The following RGS6 variants were observed in gnomAD, a reference collection of about 807,000 sequenced individuals.
RGS6 encodes regulator of G protein signaling 6, also known as regulator of G-protein signaling 6.
A neutral mutation model predicts 78.5 loss-of-function variants in RGS6; 30 were observed. That is an observed-to-expected ratio of 0.38 (90% CI 0.29 to 0.52). The LOEUF is 0.52. RGS6 is among the 20% of genes least tolerant of loss of function. The pLI is 0.85. For synonymous variants in RGS6, 206 were observed against 206.0 expected (o/e 1.00, Z 0.00); for missense variants, 495 against 609.7 (o/e 0.81, Z 1.98).
intron 2 of RGS6, among the ~76,000 whole-genome samples, chr14:72,270,383 A>G (rs2059760654): frequency 6.6e-6 from 1 of 152,360 alleles, no homozygotes; most frequent in South Asian, 2.1e-4. Flanking sequence ...GCATAATCCC[A>G]GGAACTGCCA....
chr14:71,939,173 G>A (rs2079813), intron 1 of RGS6, among the ~76,000 whole-genome samples: 15,819 of 152,126 alleles, frequency 0.1, 918 homozygotes, highest in Middle Eastern at 0.15. Flanking sequence ...ATCCAAATAG[G>A]CCCACTAAGT....
the RGS6 span, among the ~76,000 whole-genome samples, chr14:71,900,922 G>A: frequency 6.6e-6 from 1 of 152,098 alleles, no homozygotes; most frequent in African/African-American, 2.4e-5. Flanking sequence ...GCAAGCAAGA[G>A]AGGAAAGGAG....
At chr14:72,059,491 C>A (rs1427619174) in intron 2 of RGS6, among the ~76,000 whole-genome samples, 2 of 152,188 alleles carry the variant, frequency 1.3e-5, no homozygotes, top group South Asian at 4.1e-4. Flanking sequence ...GCACTTCAAA[C>A]AGGTACCATA....
In RGS6 at chr14:71,964,772, T is replaced by C. The variant is rs878955558; in HGVS notation, c.-20T>C. 4 of 1,589,026 alleles carry C rather than the reference T, an allele frequency of 2.5e-6. No individual in the cohort carries two copies. The Admixed American group carries it at 5.2e-5, about 21-fold the overall frequency. ...ATGGTTTATTCATTTATTTTTGCAG[T>C]GTGAGTGAAGACACTCAGGATGGCT... On this transcript the variant is annotated splice_region_variant and 5_prime_UTR_variant, in exon 2 of 18. Coordinates refer to ENST00000553525, the MANE Select transcript of RGS6 (RefSeq NM_001204424.2).
the RGS6 span, among the ~76,000 whole-genome samples, chr14:71,878,011 C>T: frequency 6.6e-6 from 1 of 152,170 alleles, no homozygotes; most frequent in Admixed American, 6.5e-5. Context: ...TATTGCAGAA[C>T]AGCAAATGTT....
intron 3 of RGS6, among the ~76,000 whole-genome samples, chr14:72,419,063 T>A (rs1470571112): frequency 6.6e-6 from 1 of 152,166 alleles, no homozygotes; most frequent in Non-Finnish European, 1.5e-5. Flanking sequence ...CCTTCTACAG[T>A]GGATGCCAGT....
chr14:71,962,115 T>G (rs972017637), intron 1 of RGS6, among the ~76,000 whole-genome samples: 3 of 152,222 alleles, frequency 2.0e-5, no homozygotes, highest in African/African-American at 7.2e-5. Flanking sequence ...TTGTCTGAGT[T>G]TCAAAACGAG....
chr14:72,486,964 G>A (rs942630064), intron 12 of RGS6, among the ~76,000 whole-genome samples: 5 of 151,958 alleles, frequency 3.3e-5, no homozygotes, highest in African/African-American at 7.3e-5. Flanking sequence ...TCAGTCTTTG[G>A]CTACCCCAGC....
intron 2 of RGS6, among the ~76,000 whole-genome samples, chr14:72,122,869 A>G (rs2096088147): frequency 6.6e-6 from 1 of 152,182 alleles, no homozygotes; most frequent in Non-Finnish European, 1.5e-5. Context: ...TATATCACTA[A>G]TTAACTGTGT....
intron 2 of RGS6, among the ~76,000 whole-genome samples, chr14:72,055,876 G>C (rs769247751): frequency 1.3e-5 from 2 of 152,116 alleles, no homozygotes; most frequent in Non-Finnish European, 2.9e-5. Context: ...TTTGGTTTTT[G>C]TTTTGGTGTT....
chr14:72,575,632 G>A, the RGS6 span, among the ~76,000 whole-genome samples: 3 of 152,076 alleles, frequency 2.0e-5, no homozygotes, highest in Non-Finnish European at 2.9e-5. Flanking sequence ...CGCAAATAAC[G>A]TATTATATAT....
intron 2 of RGS6, among the ~76,000 whole-genome samples, chr14:72,080,348 G>C (rs1215343116): frequency 6.6e-6 from 1 of 151,578 alleles, no homozygotes; most frequent in Non-Finnish European, 1.5e-5. Context: ...TGTCTATTGA[G>C]GTCCTTTGCC....
downstream of RGS6, among the ~76,000 whole-genome samples, chr14:72,568,106 G>A (rs772776614): frequency 5.9e-5 from 9 of 152,208 alleles, no homozygotes; most frequent in East Asian, 3.9e-4. Flanking sequence ...GTGTGGGCTC[G>A]GTTCTCCTCC....
intron 2 of RGS6, among the ~76,000 whole-genome samples, chr14:72,211,578 T>C (rs2044166965): frequency 6.6e-6 from 1 of 152,168 alleles, no homozygotes; most frequent in Admixed American, 6.5e-5. Flanking sequence ...TCAAAGCTTA[T>C]TGGAAGGATT....
intron 17 of RGS6, among the ~76,000 whole-genome samples, chr14:72,561,412 G>A (rs2097674755): frequency 6.6e-6 from 1 of 152,184 alleles, no homozygotes; most frequent in Non-Finnish European, 1.5e-5. Context: ...TGATCAATCT[G>A]CCTGGGTCTA....
chr14:72,548,327 T>TTGTGTGTGTGTGTGTGCGCGCGTG (rs369612105), intron 17 of RGS6, among the ~76,000 whole-genome samples: 1 of 147,158 alleles, frequency 6.8e-6, no homozygotes, highest in Non-Finnish European at 1.5e-5. Flanking sequence ...CAGATCATAT[T>TTGTGTGTGTGTGTGTGCGCGCGTG]TGTGTGTGTG....
intron 2 of RGS6, among the ~76,000 whole-genome samples, chr14:72,306,737 T>G (rs2067329434): frequency 6.6e-6 from 1 of 152,172 alleles, no homozygotes; most frequent in South Asian, 2.1e-4. Flanking sequence ...CATGATAAAA[T>G]TTAAACAAAT....
chr14:72,338,329 T>A (rs2076405231), intron 2 of RGS6, among the ~76,000 whole-genome samples: 1 of 152,100 alleles, frequency 6.6e-6, no homozygotes, highest in South Asian at 2.1e-4. Flanking sequence ...ACATCTTACA[T>A]GGTGGCAGGC....
rs1566600799 is a variant in RGS6, at chr14:72,352,132, CA to C, written c.123del (p.Gly43ValfsTer28). 1.9e-6 allele frequency: 3 copies of C among 1,613,428 alleles called. No individual in the cohort carries two copies. Among genetic ancestry groups the C allele is most frequent in the Admixed American group, 1.7e-5 (1 of 59,912 alleles). On this transcript the variant is annotated frameshift_variant, in exon 3 of 18. Coordinates refer to ENST00000553525, the MANE Select transcript of RGS6 (RefSeq NM_001204424.2). LOFTEE classifies it high-confidence loss of function. The stretch of plus-strand genomic sequence containing the variant: ...ATTACAAAGATGCAAGATGACAAGA[CA>C]GGGGGTGTGCCCATCAGAACAGTCA... ...DIITKMQDDK[T>X]GGVPIRTVKS...
Sources: gnomAD v4.1 joint callset for allele counts (sites outside exome capture counted in the v4.1 genomes callset) on GRCh38, gnomAD v4.1.1 for gene constraint, MANE v1.5 for transcripts, NCBI Gene and HGNC (gene_info 2026-07-23, HGNC 2026-07-21) for gene names.